Variants in PALB2 observed in about 807,000 individuals in gnomAD.
PALB2 encodes the protein partner and localizer of BRCA2.
In PALB2, 82 loss-of-function variants were observed where a neutral mutation model predicts 107.4. The observed-to-expected ratio is 0.76, with a 90% CI of 0.64 to 0.92. PALB2 has a LOEUF of 0.92. Ranked by LOEUF, PALB2 falls within the 40% of genes least tolerant of loss-of-function variation. The probability of loss-of-function intolerance (pLI) is 0.00; values close to 1 mark genes in which losing one functional copy is unlikely to be tolerated. For missense variants in PALB2, 1,374 were observed against 1,379.9 expected, an observed-to-expected ratio of 1.00 and a Z score of 0.07; for synonymous variants, 489 against 496.8, an observed-to-expected ratio of 0.98 and a Z score of 0.21.
rs1966856156 is a variant in PALB2 at position 23,629,707 on chromosome 16, A to G, written c.2447T>C (p.Phe816Ser). The G allele has an allele frequency of 1.2e-6, 2 of 1,614,110 alleles. No homozygotes were observed. Among genetic ancestry groups the G allele is most frequent in the Non-Finnish European group, 1.7e-6 (2 of 1,180,056 alleles). The change falls in exon 5 of 13, where the codon TTC becomes TCC. Residue 816 changes from phenylalanine (F) to serine (S), a missense_variant. Coordinates refer to ENST00000261584, the MANE Select transcript of PALB2 (RefSeq NM_024675.4). ...PPGTPPPIES[F>S]TFKENQLCRN... ...ACAGAGCTGATTTTCTTTAAAAGTG[A>G]ATGACTCAATGGGTGGAGGTGTTCC...
chr16:23,627,811 T>C (rs945001236), intron 6 of PALB2, among the ~76,000 whole-genome samples: 6 of 152,160 alleles, frequency 3.9e-5, no homozygotes, highest in African/African-American at 1.4e-4. Context: ...AATTTAGAAA[T>C]GGGAGAATGG....
intron 1 of PALB2, among the ~76,000 whole-genome samples, chr16:23,639,517 G>GAAAAAA (rs1186283940): frequency 4.6e-5 from 2 of 43,764 alleles, no homozygotes; most frequent in Admixed American, 2.6e-4. Flanking sequence ...GACTCTGCTT[G>GAAAAAA]AAAAAAAAAA....
At chr16:23,603,754 A>T in intron 12 of PALB2, 85 bp from the exon 13 acceptor site, 1 of 1,273,850 alleles carries the variant, frequency 7.9e-7, no homozygotes. Flanking sequence ...CCATGTTCCC[A>T]AAACCAGCAA....
intron 3 of PALB2, among the ~76,000 whole-genome samples, chr16:23,637,136 T>A (rs1040392692): frequency 1.3e-5 from 2 of 151,786 alleles, no homozygotes. Context: ...TAGTCCCAGG[T>A]ACTCGGGAGG....
At chr16:23,621,062 T>A (rs1377611723) in intron 10 of PALB2, among the ~76,000 whole-genome samples, 1 of 152,098 alleles carries the variant, frequency 6.6e-6, no homozygotes, top group African/African-American at 2.4e-5. Flanking sequence ...ATACAAAAAT[T>A]AGCTGGGTGT....
chr16:23,630,201 T>C lies in PALB2; in HGVS notation c.1953A>G (p.Gly651=), dbSNP rs1555460575. The C allele has an allele frequency of 1.2e-6, 2 of 1,614,138 alleles. No homozygotes were observed. Among genetic ancestry groups the C allele is most frequent in the Non-Finnish European group, 1.7e-6 (2 of 1,180,028 alleles). The change falls in exon 5 of 13, where the codon GGA becomes GGG. Residue 651 remains glycine, a synonymous_variant. Transcript: ENST00000261584. ...TCAGTTCCTCTGGAAAAATACAGCTTCCCTCTTTAAGATGTCTCTCTCCAA... is the reference window on the plus strand; with the variant it reads ...TCAGTTCCTCTGGAAAAATACAGCTCCCCTCTTTAAGATGTCTCTCTCCAA... ...KMFGERHLKE[G]SCIFPEELSP...
intron 12 of PALB2, among the ~76,000 whole-genome samples, chr16:23,604,928 G>A (rs945369908): frequency 1.3e-5 from 2 of 151,918 alleles, no homozygotes; most frequent in African/African-American, 4.8e-5. Context: ...ACAAAAATTA[G>A]CTGGGCATGG....
At position 23,629,989 on chromosome 16, in the gene PALB2, T is replaced by C. The variant is rs941888035; in HGVS notation, c.2165A>G (p.Asp722Gly). The C allele has an allele frequency of 6.2e-7, 1 of 1,613,994 alleles. No individual in the cohort carries two copies. The highest frequency in any genetic ancestry group is 1.3e-5 in the African/African-American group (1 of 74,894). Residue 722 changes from aspartate (D) to glycine (G), a missense_variant, in exon 5 of 13, where the codon GAC becomes GGC. Transcript: ENST00000261584. ...GATGGGGAAAGCAGGTGAACACATG[T>C]CTGTGGTAGGCCTGTCATTATCATC... ...APDDNDRPTTDMCSPAFPILG... is the reference protein window; with the variant it reads ...APDDNDRPTTGMCSPAFPILG...
At chr16:23,613,705 C>T (rs372111732) in intron 11 of PALB2, among the ~76,000 whole-genome samples, 19 of 151,992 alleles carry the variant, frequency 1.3e-4, no homozygotes, top group African/African-American at 4.6e-4. Flanking sequence ...CCTAAGGCTA[C>T]TTAAACATGG....
chr16:23,630,063 G>T lies in PALB2; in HGVS notation c.2091C>A (p.Gly697=), dbSNP rs875989797. ...PNSQSQHTKT[G]LSSSILLYTP... ...TATAAAGTAATATGGATGAAGAAAGGCCCGTCTTTGTATGCTGGCTTTGCG... is the reference window on the plus strand; with the variant it reads ...TATAAAGTAATATGGATGAAGAAAGTCCCGTCTTTGTATGCTGGCTTTGCG... Residue 697 remains glycine, a synonymous_variant, in exon 5 of 13, where the codon GGC becomes GGA. Coordinates refer to ENST00000261584, the MANE Select transcript of PALB2 (RefSeq NM_024675.4). 1 of 1,614,132 alleles carries T rather than the reference G, an allele frequency of 6.2e-7. No homozygotes were observed. The highest frequency in any genetic ancestry group is 8.5e-7 in the Non-Finnish European group (1 of 1,180,036).
intron 9 of PALB2, among the ~76,000 whole-genome samples, chr16:23,622,704 C>T (rs1277271454): frequency 6.6e-6 from 1 of 152,138 alleles, no homozygotes; most frequent in East Asian, 1.9e-4. Context: ...GTATTTCTAA[C>T]ATTTAAGGGA....
chr16:23,619,318 A>G (rs932219023), intron 10 of PALB2, among the ~76,000 whole-genome samples: 4 of 152,114 alleles, frequency 2.6e-5, no homozygotes, highest in African/African-American at 9.7e-5. Context: ...CCTATCACAA[A>G]TCTGTTAATT....
Position 23,641,259 on chromosome 16 carries a change from TG to T in PALB2, c.-103del. ...GCCGGGGAGGCGCCCCAGGAAGGAA[TG>T]GGGAGCCCGGGATCGCACCCTCAGT... On this transcript the variant is annotated 5_prime_UTR_variant, in exon 1 of 13. Transcript: ENST00000261584. The T allele has an allele frequency of 6.8e-7, 1 of 1,466,532 alleles. No individual in the cohort carries two copies. The highest frequency in any genetic ancestry group is 9.3e-7 in the Non-Finnish European group (1 of 1,070,312). The allele number at this position is 1,466,532 out of a possible 1,614,324, so 90.8% of individuals were successfully genotyped here. A position where few individuals can be genotyped will look rare whatever the true frequency, so the allele number is the denominator to read the frequency against.
intron 12 of PALB2, among the ~76,000 whole-genome samples, chr16:23,606,309 G>C (rs1324227805): frequency 6.6e-6 from 1 of 152,042 alleles, no homozygotes; most frequent in Non-Finnish European, 1.5e-5. Flanking sequence ...GGGAAGCTGA[G>C]ATGGGAAGAT....
At position 23,613,909 on chromosome 16, in the gene PALB2, G is replaced by A. The variant is rs76918977; in HGVS notation, c.3201+95C>T. 26,006 of 881,570 alleles carry A rather than the reference G, an allele frequency of 0.029. 510 individuals carry two copies. The highest frequency in any genetic ancestry group is 0.071 in the Middle Eastern group (327 of 4,634). The allele number at this position is 881,570 out of a possible 1,614,324, so 54.6% of individuals were successfully genotyped here. ...ATCCAATTTTGAAAAAAGATGCCAC[G>A]GGGAAGGTTTGTTCATTACTGCTTA... On this transcript the variant is annotated intron_variant, in intron 11 of 12. Transcript: ENST00000261584.
At chr16:23,608,792 G>GTGTA (rs148351377) in intron 11 of PALB2, among the ~76,000 whole-genome samples, 4 of 145,882 alleles carry the variant, frequency 2.7e-5, no homozygotes, top group African/African-American at 1.0e-4. Context: ...CTGTATGTGT[G>GTGTA]TATATATATA....
intron 11 of PALB2, among the ~76,000 whole-genome samples, chr16:23,611,106 AT>A (rs1966578464): frequency 2.0e-5 from 3 of 151,578 alleles, no homozygotes; most frequent in Non-Finnish European, 4.4e-5. Flanking sequence ...CTATCTATCT[AT>A]CTATCTATCT....
In PALB2 at chr16:23,636,241, A is replaced by G. The variant is rs1313838988; in HGVS notation, c.305T>C (p.Val102Ala). The G allele has an allele frequency of 1.2e-6, 2 of 1,613,942 alleles. No individual in the cohort carries two copies. Among genetic ancestry groups the G allele is most frequent in the Non-Finnish European group, 1.7e-6 (2 of 1,179,964 alleles). ...TCCAGGGTTAAAGGACTCAGGCCCA[A>G]CATCAAGTGTGATAGATGTCTTTTC... ...TGEKTSITLD[V>A]GPESFNPGDG... is the part of the protein sequence containing the mutation. Residue 102 changes from valine (V) to alanine (A), a missense_variant, in exon 4 of 13, where the codon GTT becomes GCT. By Grantham distance (64) the Val-to-Ala change is moderately conservative. Coordinates refer to ENST00000261584, the MANE Select transcript of PALB2 (RefSeq NM_024675.4).
intron 1 of PALB2, among the ~76,000 whole-genome samples, chr16:23,639,690 G>A (rs1336868759): frequency 6.6e-6 from 1 of 151,036 alleles, no homozygotes; most frequent in Admixed American, 6.6e-5. Flanking sequence ...CGTGGTGTTG[G>A]GCGTCTGTAA....
Sources: gnomAD v4.1 joint callset for allele counts (sites outside exome capture counted in the v4.1 genomes callset) on GRCh38, gnomAD v4.1.1 for gene constraint, MANE v1.5 for transcripts, NCBI Gene and HGNC (gene_info 2026-07-23, HGNC 2026-07-21) for gene names.